The following ASTN2 variants were observed in gnomAD, a reference collection of about 807,000 sequenced individuals.
ASTN2 encodes astrotactin-2.
ASTN2 carries 54 observed loss-of-function variants against 139.8 expected under a neutral mutation model. The observed-to-expected ratio is 0.39, with a 90% CI of 0.31 to 0.48. ASTN2 has a LOEUF of 0.48. Ranked by LOEUF, ASTN2 falls within the 20% of genes least tolerant of loss-of-function variation. The pLI is 0.95. For missense variants in ASTN2, 1,565 were observed against 1,725.1 expected (o/e 0.91, Z 1.64); for synonymous variants, 756 against 719.5 (o/e 1.05, Z -0.81).
chr9:117,183,253 C>T (rs888680567), intron 3 of ASTN2, among the ~76,000 whole-genome samples: 2 of 152,194 alleles, frequency 1.3e-5, no homozygotes, highest in Admixed American at 6.5e-5. Flanking sequence ...CCAGCACTTT[C>T]ACTGCTCTGT....
At chr9:117,413,318 T>C (rs1381824630) in intron 1 of ASTN2, among the ~76,000 whole-genome samples, 2 of 152,222 alleles carry the variant, frequency 1.3e-5, no homozygotes, top group Admixed American at 6.5e-5. Context: ...GGTTCTCACC[T>C]GGAAGGCCCC....
At chr9:117,392,473 CTGTT>C (rs1311924890) in intron 1 of ASTN2, among the ~76,000 whole-genome samples, 8 of 152,122 alleles carry the variant, frequency 5.3e-5, no homozygotes, top group East Asian at 3.9e-4. Context: ...TTGTTTTGTA[CTGTT>C]TGTTTGTTTG....
chr9:117,118,470 G>A (rs7033967), intron 4 of ASTN2, among the ~76,000 whole-genome samples: 55,186 of 151,974 alleles, frequency 0.36, 10,613 homozygotes, highest in Non-Finnish European at 0.43. Context: ...AACATTAGAT[G>A]AAGCTATCAT....
At position 117,414,576 on chromosome 9, in the gene ASTN2, G is replaced by A; in HGVS notation, c.363C>T (p.Leu121=). 6.3e-7 allele frequency: 1 copy of A among 1,588,710 alleles called. No individual in the cohort carries two copies. The highest frequency in any genetic ancestry group is 8.6e-7 in the Non-Finnish European group (1 of 1,169,274). The change falls in exon 1 of 23, where the codon CTC becomes CTT. Residue 121 remains leucine (L), a synonymous_variant. Coordinates refer to ENST00000313400, the MANE Select transcript of ASTN2 (RefSeq NM_001365068.1). The surrounding 1 kb of genome is among the most constrained non-coding windows in gnomAD (Gnocchi z 4.2). Reference sequence around the variant, plus strand: ...GCCCCGGCAGCTCGTTACGCACAAAGAGCAGGAGGCGCGACTCGGCGGCGG... The same window carrying A: ...GCCCCGGCAGCTCGTTACGCACAAAAAGCAGGAGGCGCGACTCGGCGGCGG... ...AGTAAESRLL[L]FVRNELPGRI... is the part of the protein sequence containing the mutation.
chr9:116,684,702 C>G (rs1395100643), intron 16 of ASTN2, among the ~76,000 whole-genome samples: 3 of 152,182 alleles, frequency 2.0e-5, no homozygotes, highest in South Asian at 4.1e-4. Context: ...ACTCCCATTC[C>G]CACTACGTCC....
At chr9:116,941,473 A>T (rs1489187290) in intron 10 of ASTN2, among the ~76,000 whole-genome samples, 4 of 152,006 alleles carry the variant, frequency 2.6e-5, no homozygotes. Flanking sequence ...GGCTGCCAGC[A>T]GGAGAATCCC....
At chr9:116,441,736 G>A (rs1222525023) in intron 21 of ASTN2, among the ~76,000 whole-genome samples, 2 of 151,972 alleles carry the variant, frequency 1.3e-5, no homozygotes, top group South Asian at 2.1e-4. Context: ...AGAAATAATT[G>A]TTCAACTTTA....
chr9:116,694,752 T>C (rs914238214), intron 16 of ASTN2, among the ~76,000 whole-genome samples: 1 of 151,814 alleles, frequency 6.6e-6, no homozygotes, highest in Non-Finnish European at 1.5e-5. Flanking sequence ...ATTACAGGCA[T>C]GAGCCACCAC....
At chr9:117,332,970 G>C (rs1000588004) in intron 1 of ASTN2, among the ~76,000 whole-genome samples, 8 of 152,166 alleles carry the variant, frequency 5.3e-5, no homozygotes, top group East Asian at 3.9e-4. Flanking sequence ...TTGCTTAGGG[G>C]AGTGGGTAGT....
intron 10 of ASTN2, among the ~76,000 whole-genome samples, chr9:116,898,202 T>C (rs1199169817): frequency 6.6e-6 from 1 of 151,770 alleles, no homozygotes; most frequent in Non-Finnish European, 1.5e-5. Flanking sequence ...AGTGCAGAAG[T>C]TTGAGACCAC....
At chr9:116,728,343 G>A (rs1828688266) in intron 15 of ASTN2, among the ~76,000 whole-genome samples, 1 of 152,016 alleles carries the variant, frequency 6.6e-6, no homozygotes, top group Non-Finnish European at 1.5e-5. Context: ...GGGGAATGGA[G>A]AACGGGGGAG....
chr9:117,332,252 A>C (rs1828734482), intron 1 of ASTN2, among the ~76,000 whole-genome samples: 1 of 152,204 alleles, frequency 6.6e-6, no homozygotes, highest in South Asian at 2.1e-4. Context: ...CCTTTATAGC[A>C]TAACTTTCAC....
chr9:116,741,622 G>A (rs1277875858), intron 13 of ASTN2, among the ~76,000 whole-genome samples: 1 of 152,190 alleles, frequency 6.6e-6, no homozygotes, highest in African/African-American at 2.4e-5. Flanking sequence ...TGTGTGATGT[G>A]CAGAAGCCAC....
chr9:116,659,999 T>G (rs1342515705), intron 16 of ASTN2, among the ~76,000 whole-genome samples: 1 of 152,176 alleles, frequency 6.6e-6, no homozygotes, highest in Non-Finnish European at 1.5e-5. Context: ...TACTCACGCC[T>G]GGACTCTAGT....
intron 2 of ASTN2, among the ~76,000 whole-genome samples, chr9:117,234,916 G>A (rs768399305): frequency 3.3e-5 from 5 of 152,128 alleles, no homozygotes; most frequent in Non-Finnish European, 5.9e-5. Flanking sequence ...GTAAGCAATC[G>A]GTGTCTGCTG....
intron 3 of ASTN2, among the ~76,000 whole-genome samples, 189 bp downstream of exon 3, chr9:117,214,169 T>C (rs1483199383): frequency 6.6e-6 from 1 of 152,198 alleles, no homozygotes; most frequent in Non-Finnish European, 1.5e-5. Context: ...GACACTCTTT[T>C]ATTCTCTCAT....
At chr9:116,888,591 C>T (rs1246613108) in intron 10 of ASTN2, among the ~76,000 whole-genome samples, 3 of 151,936 alleles carry the variant, frequency 2.0e-5, no homozygotes, top group African/African-American at 4.8e-5. Flanking sequence ...GGTGCAATCT[C>T]GGCTCACTGC....
chr9:117,321,451 C>T (rs1828319160), intron 1 of ASTN2, among the ~76,000 whole-genome samples: 1 of 152,186 alleles, frequency 6.6e-6, no homozygotes, highest in Non-Finnish European at 1.5e-5. Context: ...GTGTGCCCCA[C>T]TCCCACCATT....
intron 4 of ASTN2, among the ~76,000 whole-genome samples, chr9:117,115,491 C>G (rs1017395284): frequency 3.3e-5 from 5 of 152,042 alleles, no homozygotes; most frequent in African/African-American, 7.2e-5. Context: ...CCACTGTACT[C>G]CAGCCTGGGC....
Sources: gnomAD v4.1 joint callset for allele counts (sites outside exome capture counted in the v4.1 genomes callset) on GRCh38, gnomAD v4.1.1 for gene constraint, Gnocchi (gnomAD v3.1) non-coding constraint, MANE v1.5 for transcripts, NCBI Gene and HGNC (gene_info 2026-07-23, HGNC 2026-07-21) for gene names.